The following KLF12 variants were observed in gnomAD, a reference collection of about 807,000 sequenced individuals.
KLF12 encodes KLF transcription factor 12.
A neutral mutation model predicts 37.8 loss-of-function variants in KLF12; 9 were observed. That is an observed-to-expected ratio of 0.24 (90% CI 0.14 to 0.42). KLF12 has a LOEUF of 0.42. Among genes scored for constraint, KLF12 ranks in the 10% least tolerant of loss-of-function variants. The pLI is 1.00. For missense variants in KLF12, 411 were observed against 516.0 expected (o/e 0.80, Z 1.97); for synonymous variants, 208 against 202.1 (o/e 1.03, Z -0.25).
chr13:74,195,943 C>A, the KLF12 span, among the ~76,000 whole-genome samples: 1 of 152,008 alleles, frequency 6.6e-6, no homozygotes, highest in Admixed American at 6.6e-5. Flanking sequence ...TCCAAGAATT[C>A]ATGATAATGG....
the KLF12 span, among the ~76,000 whole-genome samples, chr13:74,282,798 C>T: frequency 6.6e-6 from 1 of 152,166 alleles, no homozygotes; most frequent in African/African-American, 2.4e-5. Flanking sequence ...GGTTTCAGTT[C>T]TATTAATGAA....
chr13:73,993,297 G>A (rs1472355557), intron 2 of KLF12, among the ~76,000 whole-genome samples: 2 of 152,156 alleles, frequency 1.3e-5, no homozygotes, highest in African/African-American at 4.8e-5. Flanking sequence ...TTGAATTCAT[G>A]AATTATGAGC....
chr13:73,839,258 ATT>A (rs768668350), intron 4 of KLF12, among the ~76,000 whole-genome samples: 7,776 of 113,020 alleles, frequency 0.069, 356 homozygotes, highest in African/African-American at 0.15. Flanking sequence ...ATACCTGGTT[ATT>A]TTTTTTTTTT....
the KLF12 span, among the ~76,000 whole-genome samples, chr13:74,304,388 C>T: frequency 6.6e-6 from 1 of 152,056 alleles, no homozygotes; most frequent in Non-Finnish European, 1.5e-5. Context: ...CTGTTCAGAA[C>T]TTATGATGTA....
intron 2 of KLF12, among the ~76,000 whole-genome samples, chr13:73,964,084 T>C (rs951424575): frequency 4.6e-5 from 7 of 152,186 alleles, no homozygotes; most frequent in Admixed American, 6.5e-5. Flanking sequence ...TACTGACAGA[T>C]TCCTTCTGAA....
chr13:73,719,839 T>C (rs1288769407), intron 6 of KLF12, among the ~76,000 whole-genome samples: 1 of 152,096 alleles, frequency 6.6e-6, no homozygotes, highest in Non-Finnish European at 1.5e-5. Context: ...TGGCTTCACG[T>C]GATCCTGCCT....
At chr13:74,300,431 T>C in the KLF12 span, among the ~76,000 whole-genome samples, 1 of 152,148 alleles carries the variant, frequency 6.6e-6, no homozygotes. Context: ...AAAGAGATTA[T>C]ATAGAAGCAA....
intron 4 of KLF12, among the ~76,000 whole-genome samples, chr13:73,817,323 A>T (rs868129790): frequency 1.4e-5 from 2 of 146,816 alleles, no homozygotes; most frequent in African/African-American, 5.0e-5. Flanking sequence ...TGTTTCAAAA[A>T]AAAAAGAAAA....
chr13:74,279,368 T>G, the KLF12 span, among the ~76,000 whole-genome samples: 1 of 152,154 alleles, frequency 6.6e-6, no homozygotes, highest in Non-Finnish European at 1.5e-5. Context: ...ACTTCCACCC[T>G]AAATGGAAGA....
rs771890032 is a variant in KLF12 at position 73,944,114 on chromosome 13, C to T, written c.34-44G>A. The T allele has an allele frequency of 3.3e-6, 4 of 1,194,716 alleles. 1 individual carries two copies. In the South Asian group the frequency reaches 4.9e-5, roughly 15 times the overall value. The allele number at this position is 1,194,716 out of a possible 1,614,324, so 74.0% of individuals were successfully genotyped here. A position where few individuals can be genotyped will look rare whatever the true frequency, so the allele number is the denominator to read the frequency against. On this transcript the variant is annotated intron_variant, in intron 2 of 7. Coordinates refer to ENST00000377669, the MANE Select transcript of KLF12 (RefSeq NM_007249.5). ...GAGAAAGATTCAGCTCTAAAGCATT[C>T]AAAAGAGGACCTCTGGGAGAGTCTT... is the stretch of plus-strand genomic sequence containing the variant.
At chr13:73,938,231 C>T (rs1161643493) in intron 3 of KLF12, among the ~76,000 whole-genome samples, 1 of 152,116 alleles carries the variant, frequency 6.6e-6, no homozygotes, top group Non-Finnish European at 1.5e-5. Flanking sequence ...TACGCCTTTA[C>T]GCACAGATGT....
At chr13:73,709,896 A>G (rs1258348241) in intron 7 of KLF12, among the ~76,000 whole-genome samples, 1 of 152,194 alleles carries the variant, frequency 6.6e-6, no homozygotes, top group Non-Finnish European at 1.5e-5. Flanking sequence ...ATCCCATTCA[A>G]TACATTCATC....
chr13:74,193,228 C>A, the KLF12 span, among the ~76,000 whole-genome samples: 1 of 152,238 alleles, frequency 6.6e-6, no homozygotes, highest in East Asian at 1.9e-4. Flanking sequence ...GATCCACCTT[C>A]CTGGGCCTCC....
At chr13:73,769,449 T>A (rs1880134195) in intron 5 of KLF12, among the ~76,000 whole-genome samples, 1 of 152,184 alleles carries the variant, frequency 6.6e-6, no homozygotes, top group African/African-American at 2.4e-5. Context: ...CTCCTTTCTT[T>A]CTCCTTTGCT....
chr13:74,097,128 G>A (rs1317748434), intron 1 of KLF12, among the ~76,000 whole-genome samples: 2 of 152,074 alleles, frequency 1.3e-5, no homozygotes, highest in Admixed American at 1.3e-4. Context: ...ACCAAGTTCA[G>A]GATTAATTTT....
intron 3 of KLF12, among the ~76,000 whole-genome samples, chr13:73,928,752 G>C (rs1889526394): frequency 6.6e-6 from 1 of 152,140 alleles, no homozygotes; most frequent in Non-Finnish European, 1.5e-5. Flanking sequence ...CACAAAAAAA[G>C]CAACGTTAAA....
the KLF12 span, chr13:74,257,031 T>C: frequency 6.6e-6 from 1 of 152,154 alleles, no homozygotes; most frequent in Admixed American, 6.5e-5. Flanking sequence ...TATGGAATTG[T>C]CAAAAGTTGC....
At chr13:74,110,778 A>G (rs1486438063) in intron 1 of KLF12, among the ~76,000 whole-genome samples, 1 of 152,218 alleles carries the variant, frequency 6.6e-6, no homozygotes, top group African/African-American at 2.4e-5. Context: ...AGCAAAGATA[A>G]GAACAACATT....
chr13:74,160,713 G>A, the KLF12 span, among the ~76,000 whole-genome samples: 1 of 152,178 alleles, frequency 6.6e-6, no homozygotes, highest in Non-Finnish European at 1.5e-5. Flanking sequence ...ACCTGTGGAG[G>A]TTAAGGGAGA....
Sources: allele counts gnomAD v4.1 joint callset (sites outside exome capture counted in the v4.1 genomes callset), GRCh38; gene constraint gnomAD v4.1.1; transcripts MANE v1.5; gene names NCBI Gene and HGNC (gene_info 2026-07-23, HGNC 2026-07-21).